The following SH2B1 variants were observed in gnomAD, a reference collection of about 807,000 sequenced individuals.
SH2B1 encodes SH2B adapter protein 1.
Under a neutral mutation model 62.6 loss-of-function variants are expected in SH2B1, and 15 were observed. That is an observed-to-expected ratio of 0.24 (90% CI 0.16 to 0.37). SH2B1 has a LOEUF of 0.37. Ranked by LOEUF, SH2B1 falls within the 10% of genes least tolerant of loss-of-function variation. The pLI, the probability that SH2B1 is intolerant of heterozygous loss-of-function variation, is 1.00. For synonymous variants in SH2B1, 443 were observed against 438.0 expected (o/e 1.01, Z -0.14); for missense variants, 925 against 1,015.6 (o/e 0.91, Z 1.21).
chr16:28,873,400 C>A lies in SH2B1; in HGVS notation c.1898-47C>A, dbSNP rs2152189510. 6.3e-7 allele frequency: 1 copy of A among 1,578,788 alleles called. No individual in the cohort carries two copies. Among genetic ancestry groups the A allele is most frequent in the Non-Finnish European group, 8.5e-7 (1 of 1,172,406 alleles). ...AGTGAAGGGGAGGCCACGGCAGGAG[C>A]TCACCTGCCTCCACAATCAGTCTGT... On this transcript the variant is annotated intron_variant, in intron 7 of 7. Coordinates refer to ENST00000684370, the MANE Select transcript of SH2B1 (RefSeq NM_001387430.1). This position sits in a 1 kb window ranked among gnomAD's most constrained non-coding sequence, Gnocchi z 4.2.
chr16:28,869,166 C>T lies in SH2B1; in HGVS notation c.1134-42C>T, dbSNP rs371791033. 6.8e-6 allele frequency: 11 copies of T among 1,613,656 alleles called. No individual in the cohort carries two copies. In the African/African-American group the frequency reaches 1.5e-4, roughly 22 times the overall value. On this transcript the variant is annotated intron_variant, in intron 3 of 7. Coordinates refer to ENST00000684370, the MANE Select transcript of SH2B1 (RefSeq NM_001387430.1). ...TGGGGAGCAGCCTTGCGCCTCTCAC[C>T]TGGTGACTTTCCTCCCAGCACCATC...
chr16:28,868,387 G>A (rs560126378), intron 2 of SH2B1, among the ~76,000 whole-genome samples: 40 of 148,452 alleles, frequency 2.7e-4, no homozygotes, highest in Non-Finnish European at 5.4e-4. Context: ...TGATTTGCCC[G>A]CCTCAGCCTC....
chr16:28,859,176 T>G (rs2152164265), upstream of SH2B1, among the ~76,000 whole-genome samples: 1 of 152,148 alleles, frequency 6.6e-6, no homozygotes, highest in South Asian at 2.1e-4. Flanking sequence ...ACTCCCAGCC[T>G]CGGGTGATTC....
At chr16:28,852,029 T>G (rs1962109520) in intron 1 of SH2B1, among the ~76,000 whole-genome samples, 1 of 147,828 alleles carries the variant, frequency 6.8e-6, no homozygotes, top group Non-Finnish European at 1.5e-5. Flanking sequence ...ATTGTGCCAC[T>G]GCACTCCAAC....
chr16:28,862,722 TCTC>T (rs1206453803), upstream of SH2B1: 3 of 145,198 alleles, frequency 2.1e-5, no homozygotes, highest in African/African-American at 5.2e-5. Context: ...TTCAAGCTGT[TCTC>T]CTGCCTCGGT....
In SH2B1 at chr16:28,863,857, G is replaced by T; in HGVS notation, c.-2238G>T. 1.3e-6 allele frequency: 2 copies of T among 1,525,962 alleles called. No individual in the cohort carries two copies. The highest frequency in any genetic ancestry group is 2.5e-5 in the East Asian group (1 of 40,620). The allele number at this position is 1,525,962 out of a possible 1,614,324, so 94.5% of individuals were successfully genotyped here. A position where few individuals can be genotyped will look rare whatever the true frequency, so the allele number is the denominator to read the frequency against. On this transcript the variant is annotated 5_prime_UTR_variant, in exon 1 of 8. Transcript: ENST00000684370. ...ACGCCTGCGCGGAACCGGGCTGGGCGCTCGTCGCGTAGTGGGTGGGGGCGC... is the reference window on the plus strand; with the variant it reads ...ACGCCTGCGCGGAACCGGGCTGGGCTCTCGTCGCGTAGTGGGTGGGGGCGC...
chr16:28,863,557 C>T, upstream of SH2B1: 1 of 963,950 alleles, frequency 1.0e-6, no homozygotes, highest in South Asian at 1.6e-5. Flanking sequence ...ACTCTATCCC[C>T]TAAGGCCGGT....
intron 1 of SH2B1, among the ~76,000 whole-genome samples, chr16:28,852,749 C>CATATATATGTATATATATATTTAT (rs1962181640): frequency 5.3e-5 from 2 of 37,606 alleles, no homozygotes; most frequent in Admixed American, 1.1e-3. Context: ...TATATATTTA[C>CATATATATGTATATATATATTTAT]ATATATATGT....
rs772213283 is a variant in SH2B1 at position 28,869,020 on chromosome 16, C to G, written c.1056C>G (p.Ser352=). ...NTFVVKVEGP[S]EYIMETVDAQ... The stretch of plus-strand genomic sequence containing the variant: ...CATCTCTGTAGGTGGAAGGTCCATC[C>G]GAGTATATCATGGAGACAGTGGATG... Residue 352 remains serine (S), a synonymous_variant, in exon 3 of 8, where the codon TCC becomes TCG. Transcript: ENST00000684370. 5 of 1,613,886 alleles carry G rather than the reference C, an allele frequency of 3.1e-6. No individual in the cohort carries two copies. Among genetic ancestry groups the G allele is most frequent in the Non-Finnish European group, 4.2e-6 (5 of 1,179,884 alleles).
Position 28,864,418 on chromosome 16 carries a change from G to T in SH2B1, c.-1677G>T. 1.0e-6 allele frequency: 1 copy of T among 986,952 alleles called. No individual in the cohort carries two copies. Among genetic ancestry groups the T allele is most frequent in the Non-Finnish European group, 1.2e-6 (1 of 830,746 alleles). 61.1% of individuals were successfully genotyped at this position (986,952 alleles called of 1,614,324 possible). ...CCTGTGTGAGCCGAGGTGGCCGCTG[G>T]CTGGAGATTGGTTTGCACTTCTTGG... On this transcript the variant is annotated 5_prime_UTR_variant, in exon 1 of 8. Transcript: ENST00000684370.
upstream of SH2B1, chr16:28,861,798 G>A (rs992160514): frequency 1.3e-5 from 2 of 152,194 alleles, no homozygotes; most frequent in African/African-American, 4.8e-5. Context: ...ATTTGTCTTC[G>A]AGTTCCAGGA....
chr16:28,872,207 G>A lies in SH2B1; in HGVS notation c.1531G>A (p.Gly511Arg), dbSNP rs146946750. 5 of 1,613,362 alleles carry A rather than the reference G, an allele frequency of 3.1e-6. No individual in the cohort carries two copies. Among genetic ancestry groups the A allele is most frequent in the Non-Finnish European group, 4.2e-6 (5 of 1,179,640 alleles). The change falls in exon 6 of 8, where the codon GGG becomes AGG. Residue 511 changes from glycine to arginine, a missense_variant. Gly to Arg is a moderately radical substitution (Grantham distance 125, BLOSUM62 -2). This residue lies in a region of SH2B1 where 683 missense variants were observed against 704.0 expected (regional missense o/e 0.97). Transcript: ENST00000684370. The surrounding 1 kb of genome is among the most constrained non-coding windows in gnomAD (Gnocchi z 5.3). ...TCCTGAAGGGTCCTTCCTGTTCCAGGGGGAGCCAGAGGGCGGTGAGGGGGA... is the reference window on the plus strand; with the variant it reads ...TCCTGAAGGGTCCTTCCTGTTCCAGAGGGAGCCAGAGGGCGGTGAGGGGGA... ...ETATGSFLFQ[G>R]EPEGGEGDQP...
chr16:28,867,558 C>G, intron 2 of SH2B1, 126 bp downstream of exon 2: 3 of 703,586 alleles, frequency 4.3e-6, no homozygotes, highest in Non-Finnish European at 7.6e-6. Flanking sequence ...GAGTGTGTCC[C>G]TGGGGCTGCA....
rs1248028833 is a variant in SH2B1, at chr16:28,852,874, ATT to A, written c.-301+6051_-301+6052del. Among the ~76,000 whole-genome samples the A allele has an allele frequency of 1.1e-3, 84 of 76,606 alleles. 14 individuals are homozygous for A. The highest frequency in any genetic ancestry group is 1.6e-3 in the Non-Finnish European group (69 of 43,738). 50.3% of individuals were successfully genotyped at this position (76,606 alleles called of 152,430 possible). On this transcript the variant is annotated intron_variant, in intron 1 of 10. Transcript: ENST00000322610. ...TATTTTTATATATATTTACATATAT[ATT>A]TTTATATATATTTACATATATTTTT...
At position 28,873,008 on chromosome 16, in the gene SH2B1, TC is replaced by T. The variant is rs753148763; in HGVS notation, c.1897+304del. ...TCTGTCTCCTGGACCCATCCTGGCCTCGTCTTTGCCCTCCGTCGCAGCCTGG... is the reference window on the plus strand; with the variant it reads ...TCTGTCTCCTGGACCCATCCTGGCCTGTCTTTGCCCTCCGTCGCAGCCTGG... On this transcript the variant is annotated intron_variant, in intron 7 of 7. Coordinates refer to ENST00000684370, the MANE Select transcript of SH2B1 (RefSeq NM_001387430.1). This position sits in a 1 kb window ranked among gnomAD's most constrained non-coding sequence, Gnocchi z 4.2. 6.2e-6 allele frequency: 4 copies of T among 644,366 alleles called. No homozygotes were observed. The highest frequency in any genetic ancestry group is 1.1e-5 in the Non-Finnish European group (4 of 375,030). 39.9% of individuals were successfully genotyped at this position (644,366 alleles called of 1,614,324 possible). A position where few individuals can be genotyped will look rare whatever the true frequency, so the allele number is the denominator to read the frequency against.
intron 1 of SH2B1, among the ~76,000 whole-genome samples, chr16:28,848,433 G>A (rs9972692): frequency 0.058 from 8,856 of 151,614 alleles, 678 homozygotes; most frequent in African/African-American, 0.17. Context: ...GCGAGACTCC[G>A]TCTCCAAAAA....
intron 1 of SH2B1, among the ~76,000 whole-genome samples, chr16:28,849,485 G>C (rs1962051511): frequency 6.6e-6 from 1 of 152,102 alleles, no homozygotes; most frequent in Admixed American, 6.6e-5. Flanking sequence ...AGCAAGTTAT[G>C]AGTTTTTGGG....
intron 1 of SH2B1, among the ~76,000 whole-genome samples, chr16:28,847,670 T>C (rs1962007710): frequency 1.3e-5 from 2 of 151,646 alleles, no homozygotes; most frequent in African/African-American, 4.8e-5. Context: ...AAATTTAAAA[T>C]TAGCCAGGCA....
chr16:28,857,536 A>G (rs556232958), intron 1 of SH2B1, among the ~76,000 whole-genome samples: 13 of 152,318 alleles, frequency 8.5e-5, no homozygotes, highest in Non-Finnish European at 1.3e-4. Flanking sequence ...GACTCATAGA[A>G]TGCAGGAAAG....
Sources: gnomAD v4.1 joint callset for allele counts (sites outside exome capture counted in the v4.1 genomes callset) on GRCh38, gnomAD v4.1.1 for gene constraint, gnomAD v4.1.1 regional missense constraint, Gnocchi (gnomAD v3.1) non-coding constraint, MANE v1.5 for transcripts, NCBI Gene and HGNC (gene_info 2026-07-23, HGNC 2026-07-21) for gene names.